The following DENND1A variants were observed in gnomAD, a reference collection of about 807,000 sequenced individuals.
DENND1A encodes DENN domain containing 1A, also known as DENN domain-containing protein 1A.
In DENND1A, 51 loss-of-function variants were observed where a neutral mutation model predicts 113.7. That is an observed-to-expected ratio of 0.45 (90% CI 0.36 to 0.57). DENND1A has a LOEUF of 0.57. DENND1A is among the 20% of genes least tolerant of loss of function. The pLI is 0.00. For missense variants in DENND1A, 1,258 were observed against 1,395.9 expected, an observed-to-expected ratio of 0.90 and a Z score of 1.57; for synonymous variants, 565 against 570.8, an observed-to-expected ratio of 0.99 and a Z score of 0.14.
chr9:123,381,262 CCAGACAT>C lies in DENND1A; in HGVS notation c.*163_*169del. The C allele has an allele frequency of 3.0e-6, 2 of 666,076 alleles. No individual in the cohort carries two copies. The highest frequency in any genetic ancestry group is 5.0e-6 in the Non-Finnish European group (2 of 396,358). 41.3% of individuals were successfully genotyped at this position (666,076 alleles called of 1,614,324 possible). ...CTGGAACTGGTGCCATTCCCCAGGG[CCAGACAT>C]CAGAGATGGGCAGTGTGGAGGGGAG... On this transcript the variant is annotated 3_prime_UTR_variant, in exon 24 of 24. Transcript: ENST00000394215. The surrounding 1 kb of genome is among the most constrained non-coding windows in gnomAD (Gnocchi z 4.7).
chr9:123,885,043 T>TCACA (rs142957264), intron 1 of DENND1A, among the ~76,000 whole-genome samples: 9 of 148,560 alleles, frequency 6.1e-5, no homozygotes, highest in African/African-American at 1.7e-4. Context: ...ACTCTCTCTC[T>TCACA]CACACACACA....
chr9:123,658,505 G>A (rs1187137449), intron 8 of DENND1A, among the ~76,000 whole-genome samples: 4 of 152,284 alleles, frequency 2.6e-5, no homozygotes, highest in African/African-American at 7.2e-5. Context: ...CAGAGTGATA[G>A]TTTTTCAGTG....
rs539142040 is a variant in DENND1A at position 123,662,903 on chromosome 9, T to C, written c.507+4123A>G. Reference sequence around the variant, plus strand: ...TCGGGGTGGGGAGTGTTATAGGTGGTAAAAGACCAAAACTCTCATCTTCTA... The same window carrying C: ...TCGGGGTGGGGAGTGTTATAGGTGGCAAAAGACCAAAACTCTCATCTTCTA... On this transcript the variant is annotated intron_variant, in intron 8 of 23. Coordinates refer to ENST00000394215, the MANE Select transcript of DENND1A (RefSeq NM_001352964.2). Among the ~76,000 whole-genome samples, 3 of 152,176 alleles carry C rather than the reference T, an allele frequency of 2.0e-5. No homozygotes were observed. The East Asian group carries it at 5.8e-4, about 29-fold the overall frequency.
chr9:123,456,994 GA>G (rs2048175256), intron 15 of DENND1A: 1 of 209,150 alleles, frequency 4.8e-6, no homozygotes, highest in Non-Finnish European at 9.6e-6. Flanking sequence ...TACAGAAGGG[GA>G]AATGACTCAA....
intron 2 of DENND1A, among the ~76,000 whole-genome samples, chr9:123,817,741 T>C (rs1564330789): frequency 6.6e-6 from 1 of 152,140 alleles, no homozygotes; most frequent in Non-Finnish European, 1.5e-5. Context: ...CTATAGAAAA[T>C]GCTGGCTGGG....
At chr9:123,910,072 A>C (rs1300066657) in intron 1 of DENND1A, among the ~76,000 whole-genome samples, 15 of 152,274 alleles carry the variant, frequency 9.9e-5, no homozygotes, top group Non-Finnish European at 1.8e-4. Flanking sequence ...TAACTAGAAG[A>C]CTCAATATTG....
chr9:123,445,483 C>T (rs1264417496), intron 18 of DENND1A, among the ~76,000 whole-genome samples: 1 of 152,222 alleles, frequency 6.6e-6, no homozygotes, highest in Non-Finnish European at 1.5e-5. Flanking sequence ...TATGGACAAC[C>T]TCAAGGGAGG....
chr9:123,658,864 A>G (rs7049078), intron 8 of DENND1A, among the ~76,000 whole-genome samples: 44,786 of 152,090 alleles, frequency 0.29, 6,785 homozygotes, highest in African/African-American at 0.34. Flanking sequence ...TAACTTACAC[A>G]TATGATGAGC....
chr9:123,802,772 G>A (rs1344569422), intron 2 of DENND1A, among the ~76,000 whole-genome samples: 1 of 151,276 alleles, frequency 6.6e-6, no homozygotes, highest in Non-Finnish European at 1.5e-5. Context: ...GCGCGATCTC[G>A]GCTCACCGCA....
chr9:123,518,744 GCCACCCCCACCTGTCT>G (rs2054145779), intron 13 of DENND1A, among the ~76,000 whole-genome samples: 1 of 152,096 alleles, frequency 6.6e-6, no homozygotes, highest in Admixed American at 6.5e-5. Flanking sequence ...CACAGTCCAT[GCCACCCCCACCTGTCT>G]AGGTGGTCTA....
At chr9:123,667,707 G>A (rs557298837) in intron 7 of DENND1A, among the ~76,000 whole-genome samples, 2 of 152,214 alleles carry the variant, frequency 1.3e-5, no homozygotes, top group African/African-American at 2.4e-5. Flanking sequence ...AGTGAGGCAA[G>A]TGTATTCTAG....
At chr9:123,816,433 TA>T (rs1314497285) in intron 2 of DENND1A, among the ~76,000 whole-genome samples, 1 of 152,142 alleles carries the variant, frequency 6.6e-6, no homozygotes, top group Non-Finnish European at 1.5e-5. Flanking sequence ...CTCCCCACAA[TA>T]AAATGGGTGA....
At chr9:123,457,991 T>A in intron 13 of DENND1A, 94 bp from the exon 14 acceptor site, 1 of 967,768 alleles carries the variant, frequency 1.0e-6, no homozygotes, top group Middle Eastern at 2.3e-4. Flanking sequence ...CATCTGCTAT[T>A]TTTTTTCTTT....
At chr9:123,842,799 G>T (rs1842016576) in intron 2 of DENND1A, among the ~76,000 whole-genome samples, 1 of 151,988 alleles carries the variant, frequency 6.6e-6, no homozygotes, top group African/African-American at 2.4e-5. Flanking sequence ...GATACCAAAA[G>T]CAAACAAATA....
At chr9:123,428,929 TAGAA>T (rs1438096162) in intron 19 of DENND1A, among the ~76,000 whole-genome samples, 2 of 152,192 alleles carry the variant, frequency 1.3e-5, no homozygotes, top group Non-Finnish European at 2.9e-5. Context: ...TGCTCATGGA[TAGAA>T]AGAATCAATA....
At chr9:123,724,139 A>G (rs1265118846) in intron 5 of DENND1A, among the ~76,000 whole-genome samples, 3 of 151,894 alleles carry the variant, frequency 2.0e-5, no homozygotes, top group African/African-American at 7.3e-5. Flanking sequence ...CTTGGTGCTC[A>G]CTCCCATTCT....
At chr9:123,773,100 T>C (rs142250160) in intron 3 of DENND1A, among the ~76,000 whole-genome samples, 56 of 152,256 alleles carry the variant, frequency 3.7e-4, no homozygotes, top group African/African-American at 1.2e-3. Flanking sequence ...TAACAAAATA[T>C]ATGATACTTC....
chr9:123,652,187 A>G (rs528479936), intron 8 of DENND1A, 64 bp from the exon 9 acceptor site: 47 of 1,294,524 alleles, frequency 3.6e-5, no homozygotes, highest in Non-Finnish European at 4.9e-5. Flanking sequence ...AACTGTATCT[A>G]ATAAGAGCAT....
chr9:123,748,414 G>GTCTTCAAACT (rs2069714658), intron 5 of DENND1A, among the ~76,000 whole-genome samples: 1 of 152,150 alleles, frequency 6.6e-6, no homozygotes, highest in Non-Finnish European at 1.5e-5. Context: ...GAATTGTAGA[G>GTCTTCAAACT]TCTTCAAACT....
Sources: allele counts gnomAD v4.1 joint callset (sites outside exome capture counted in the v4.1 genomes callset), GRCh38; gene constraint gnomAD v4.1.1; non-coding constraint Gnocchi (gnomAD v3.1); transcripts MANE v1.5; gene names NCBI Gene and HGNC (gene_info 2026-07-23, HGNC 2026-07-21).